BNC2: variants seen among roughly 807,000 people sequenced by gnomAD.
BNC2 encodes the protein basonuclin zinc finger protein 2.
Under a neutral mutation model 76.3 loss-of-function variants are expected in BNC2, and 20 were observed. The ratio of observed to expected loss-of-function variants is 0.26; its 90% CI spans 0.18 to 0.38. BNC2 has a LOEUF of 0.38. Ranked by LOEUF, BNC2 falls within the 10% of genes least tolerant of loss-of-function variation. The pLI is 1.00. For missense variants in BNC2, 1,382 were observed against 1,399.8 expected (o/e 0.99, Z 0.20); for synonymous variants, 582 against 514.8 (o/e 1.13, Z -1.77).
intron 1 of BNC2, among the ~76,000 whole-genome samples, chr9:16,790,750 C>T (rs1817482217): frequency 6.6e-6 from 1 of 150,830 alleles, no homozygotes; most frequent in African/African-American, 2.4e-5. Context: ...TTATCTTTCA[C>T]TAAGTGCTCC....
chr9:16,675,238 G>T (rs1286127862), intron 3 of BNC2, among the ~76,000 whole-genome samples: 1 of 150,928 alleles, frequency 6.6e-6, no homozygotes, highest in African/African-American at 2.5e-5. Flanking sequence ...TACAAAACAA[G>T]GACTAAATTG....
At chr9:16,676,790 G>A (rs543960627) in intron 3 of BNC2, among the ~76,000 whole-genome samples, 1 of 152,208 alleles carries the variant, frequency 6.6e-6, no homozygotes, top group Non-Finnish European at 1.5e-5. Context: ...GTGAGAACAA[G>A]GGAGGAGAAA....
At chr9:16,555,233 C>T (rs1270373445) in intron 4 of BNC2, among the ~76,000 whole-genome samples, 1 of 151,882 alleles carries the variant, frequency 6.6e-6, no homozygotes, top group Non-Finnish European at 1.5e-5. Flanking sequence ...CCATGTTAGC[C>T]AGGATGGTCT....
intron 3 of BNC2, among the ~76,000 whole-genome samples, chr9:16,608,720 A>G (rs1318494654): frequency 6.6e-6 from 1 of 152,118 alleles, no homozygotes; most frequent in African/African-American, 2.4e-5. Context: ...TGCCCTAATT[A>G]CTTAATAGAT....
intron 1 of BNC2, among the ~76,000 whole-genome samples, chr9:16,747,338 T>A (rs1825039604): frequency 3.4e-5 from 2 of 59,266 alleles, no homozygotes; most frequent in Non-Finnish European, 8.4e-5. Flanking sequence ...GCAAGTTTTA[T>A]AAAAGATACA....
chr9:16,670,009 T>G (rs1223210424), intron 3 of BNC2, among the ~76,000 whole-genome samples: 1 of 152,224 alleles, frequency 6.6e-6, no homozygotes, highest in Non-Finnish European at 1.5e-5. Flanking sequence ...GTAATTCAAC[T>G]GCTTTTGTTA....
chr9:16,741,933 G>A (rs547088466), intron 1 of BNC2, among the ~76,000 whole-genome samples: 11 of 144,220 alleles, frequency 7.6e-5, no homozygotes, highest in African/African-American at 2.6e-4. Flanking sequence ...ACTGCAGCCT[G>A]GGTGACAAAG....
chr9:16,582,455 G>A lies in BNC2; in HGVS notation c.433+528C>T, dbSNP rs186857016. 1.8e-3 allele frequency among the ~76,000 whole-genome samples: 278 copies of A among 152,094 alleles called. 3 individuals carry two copies. The highest frequency in any genetic ancestry group is 1.3e-3 in the Non-Finnish European group (90 of 68,006). On this transcript the variant is annotated intron_variant, in intron 4 of 6. Transcript: ENST00000380672. ...CTCCAATCCCCATGCACACTGAAAG[G>A]GAGTATTTACAGGTTATATTTTCAG...
At chr9:16,450,048 G>C (rs1821309260) in intron 5 of BNC2, among the ~76,000 whole-genome samples, 1 of 152,128 alleles carries the variant, frequency 6.6e-6, no homozygotes, top group South Asian at 2.1e-4. Context: ...ATAAAACACA[G>C]AATCTTTGTA....
intron 2 of BNC2, among the ~76,000 whole-genome samples, chr9:16,737,400 G>A (rs1038285850): frequency 6.6e-6 from 1 of 151,500 alleles, no homozygotes; most frequent in Non-Finnish European, 1.5e-5. Flanking sequence ...ACAGGCGCCC[G>A]CCACCACGCC....
chr9:16,673,634 G>T (rs1822551742), intron 3 of BNC2, among the ~76,000 whole-genome samples: 1 of 151,948 alleles, frequency 6.6e-6, no homozygotes, highest in Non-Finnish European at 1.5e-5. Context: ...AGGCTAACCA[G>T]CCAGGTTTAT....
At chr9:16,678,562 C>T (rs1822727826) in intron 3 of BNC2, among the ~76,000 whole-genome samples, 1 of 151,780 alleles carries the variant, frequency 6.6e-6, no homozygotes, top group Non-Finnish European at 1.5e-5. Context: ...CCGCGCCTGG[C>T]CATGTATCTG....
chr9:16,480,798 C>T (rs1206822025), intron 5 of BNC2, among the ~76,000 whole-genome samples: 2 of 152,190 alleles, frequency 1.3e-5, no homozygotes, highest in African/African-American at 4.8e-5. Context: ...CCACCCCCTC[C>T]ATGGGCTCCT....
chr9:16,451,862 T>A (rs542960819), intron 5 of BNC2, among the ~76,000 whole-genome samples: 2 of 152,208 alleles, frequency 1.3e-5, no homozygotes, highest in Admixed American at 1.3e-4. Context: ...GAAGACTCAA[T>A]GCTCACAGAG....
intron 3 of BNC2, among the ~76,000 whole-genome samples, chr9:16,703,268 A>C (rs2134607517): frequency 6.6e-6 from 1 of 152,294 alleles, no homozygotes; most frequent in Non-Finnish European, 1.5e-5. Flanking sequence ...TTTCTCCTAA[A>C]TTTGGCAACA....
intron 1 of BNC2, among the ~76,000 whole-genome samples, chr9:16,827,917 T>C (rs1471592331): frequency 6.6e-6 from 1 of 152,210 alleles, no homozygotes; most frequent in Admixed American, 6.5e-5. Flanking sequence ...AAAACATTTA[T>C]TGAGGCATGT....
intron 3 of BNC2, among the ~76,000 whole-genome samples, chr9:16,680,266 A>G (rs2134283884): frequency 6.6e-6 from 1 of 152,246 alleles, no homozygotes. Flanking sequence ...TTTTTAAAGA[A>G]AATATTGAAA....
intron 3 of BNC2, among the ~76,000 whole-genome samples, chr9:16,688,502 G>A (rs185330292): frequency 2.6e-5 from 4 of 152,168 alleles, no homozygotes; most frequent in South Asian, 2.1e-4. Flanking sequence ...GGGGAATTCC[G>A]TTTTATCCAC....
chr9:16,833,141 T>C (rs942193875), intron 1 of BNC2, among the ~76,000 whole-genome samples: 1 of 152,138 alleles, frequency 6.6e-6, no homozygotes, highest in Non-Finnish European at 1.5e-5. Flanking sequence ...GAAAGTGATA[T>C]GCTTCCTACA....
Sources: gnomAD v4.1 joint callset for allele counts (sites outside exome capture counted in the v4.1 genomes callset) on GRCh38, gnomAD v4.1.1 for gene constraint, MANE v1.5 for transcripts, NCBI Gene and HGNC (gene_info 2026-07-23, HGNC 2026-07-21) for gene names.